The following ANO4 variants were observed in gnomAD, a reference collection of about 807,000 sequenced individuals.
ANO4 encodes anoctamin 4.
In ANO4, 69 loss-of-function variants were observed where a neutral mutation model predicts 141.9. The observed-to-expected ratio is 0.49, with a 90% CI of 0.40 to 0.59. The LOEUF is 0.59. Ranked by LOEUF, ANO4 falls within the 20% of genes least tolerant of loss-of-function variation. The probability of loss-of-function intolerance (pLI) is 0.00; values close to 1 mark genes in which losing one functional copy is unlikely to be tolerated. For missense variants in ANO4, 894 were observed against 1,162.2 expected, an observed-to-expected ratio of 0.77 and a Z score of 3.36; for synonymous variants, 350 against 394.3, an observed-to-expected ratio of 0.89 and a Z score of 1.33.
At chr12:100,745,685 C>T (rs756422860) in intron 3 of ANO4, among the ~76,000 whole-genome samples, 1 of 152,080 alleles carries the variant, frequency 6.6e-6, no homozygotes, top group African/African-American at 2.4e-5. Context: ...AGTTCAACAT[C>T]CATTTAATAG....
intron 3 of ANO4, among the ~76,000 whole-genome samples, chr12:100,759,357 G>A (rs1273780947): frequency 6.6e-6 from 1 of 152,290 alleles, no homozygotes; most frequent in East Asian, 1.9e-4. Flanking sequence ...TGAAAAATTG[G>A]AGCTTTCTTA....
intron 1 of ANO4, among the ~76,000 whole-genome samples, chr12:100,721,162 C>A (rs2030846545): frequency 6.6e-6 from 1 of 151,364 alleles, no homozygotes; most frequent in Non-Finnish European, 1.5e-5. Context: ...ATCACAAACT[C>A]AATGTGTCCA....
chr12:100,943,271 T>G (rs2042588502), intron 5 of ANO4, among the ~76,000 whole-genome samples: 2 of 152,192 alleles, frequency 1.3e-5, no homozygotes, highest in South Asian at 4.1e-4. Flanking sequence ...CCCTAAACAT[T>G]GTGCAAAGCT....
At chr12:101,036,957 T>A in intron 9 of ANO4, 138 bp from the exon 10 acceptor site, 1 of 701,522 alleles carries the variant, frequency 1.4e-6, no homozygotes, top group Non-Finnish European at 2.3e-6. Context: ...GCAGAGCTTT[T>A]TTTCTAACTC....
intron 3 of ANO4, among the ~76,000 whole-genome samples, chr12:100,765,759 A>G (rs1343689868): frequency 6.6e-6 from 1 of 151,330 alleles, no homozygotes; most frequent in Non-Finnish European, 1.5e-5. Flanking sequence ...GATTTTATAA[A>G]TAATAATTAT....
Position 100,925,583 on chromosome 12 carries a change from G to A in ANO4, c.160+3253G>A, listed in dbSNP as rs533793428. Among the ~76,000 whole-genome samples, 276 of 150,942 alleles carry A rather than the reference G, an allele frequency of 1.8e-3. 1 individual carries two copies. The highest frequency in any genetic ancestry group is 6.3e-3 in the African/African-American group (257 of 41,012). Reference sequence around the variant, plus strand: ...TAGGTGCAGCAAACCACCATGGCACGTGTATACCTATGTAACAAACCTGCA... The same window carrying A: ...TAGGTGCAGCAAACCACCATGGCACATGTATACCTATGTAACAAACCTGCA... On this transcript the variant is annotated intron_variant, in intron 3 of 27. Coordinates refer to ENST00000392977, the MANE Select transcript of ANO4 (RefSeq NM_001286615.2).
At chr12:100,891,237 G>T (rs1420580033) in intron 1 of ANO4, among the ~76,000 whole-genome samples, 1 of 152,146 alleles carries the variant, frequency 6.6e-6, no homozygotes, top group African/African-American at 2.4e-5. Context: ...GGACATCTTG[G>T]TTGTTTCCAA....
chr12:100,724,044 C>T (rs1444763136), intron 1 of ANO4, among the ~76,000 whole-genome samples: 5 of 151,942 alleles, frequency 3.3e-5, no homozygotes, highest in African/African-American at 1.2e-4. Flanking sequence ...AACAAAAAAA[C>T]CTTGCCTGTT....
At chr12:100,842,554 C>T (rs2037328432) in intron 1 of ANO4, among the ~76,000 whole-genome samples, 1 of 152,020 alleles carries the variant, frequency 6.6e-6, no homozygotes, top group African/African-American at 2.4e-5. Flanking sequence ...TATTAAGATC[C>T]TGTCTTAGTT....
intron 1 of ANO4, among the ~76,000 whole-genome samples, chr12:100,869,923 A>G (rs2038950189): frequency 6.6e-6 from 1 of 152,160 alleles, no homozygotes; most frequent in Admixed American, 6.5e-5. Context: ...AGACAACTTG[A>G]ATAACTGATG....
At chr12:100,952,401 A>C (rs1179920719) in intron 5 of ANO4, among the ~76,000 whole-genome samples, 1 of 152,226 alleles carries the variant, frequency 6.6e-6, no homozygotes, top group Non-Finnish European at 1.5e-5. Context: ...GTCTGGACAT[A>C]TTGACAGCTT....
intron 3 of ANO4, among the ~76,000 whole-genome samples, chr12:100,937,086 A>T (rs1168636420): frequency 6.6e-6 from 1 of 152,214 alleles, no homozygotes; most frequent in Non-Finnish European, 1.5e-5. Flanking sequence ...TGTGAATAAG[A>T]ATCATGTTAG....
chr12:100,740,181 AATTGC>A, intron 3 of ANO4: 1 of 680,518 alleles, frequency 1.5e-6, no homozygotes, highest in Non-Finnish European at 2.7e-6. Flanking sequence ...CTGCTGAATA[AATTGC>A]ATTTGTATTT....
At chr12:100,762,975 G>C (rs2032939480) in intron 3 of ANO4, among the ~76,000 whole-genome samples, 1 of 152,140 alleles carries the variant, frequency 6.6e-6, no homozygotes, top group Non-Finnish European at 1.5e-5. Flanking sequence ...AGTACTAGAT[G>C]AGATATTGGT....
rs533566229 is a variant in ANO4 at position 100,776,044 on chromosome 12, A to G, written c.358+35939A>G. On this transcript the variant is annotated intron_variant, in intron 3 of 29. Transcript: ENST00000644049. Reference sequence around the variant, plus strand: ...AGTTAATACTTAGTGAGTGCTTACTATATGCCAAGCACTGTTCATTCATGA... The same window carrying G: ...AGTTAATACTTAGTGAGTGCTTACTGTATGCCAAGCACTGTTCATTCATGA... 1.6e-4 allele frequency among the ~76,000 whole-genome samples: 25 copies of G among 152,304 alleles called. 1 individual carries two copies. In the South Asian group the frequency reaches 3.9e-3, roughly 24 times the overall value.
At chr12:100,988,076 C>T (rs1414726809) in intron 8 of ANO4, among the ~76,000 whole-genome samples, 3 of 152,060 alleles carry the variant, frequency 2.0e-5, no homozygotes, top group African/African-American at 7.2e-5. Flanking sequence ...TTTTGTTTTC[C>T]GGTTTTTGTT....
chr12:100,751,083 G>T (rs148889132), intron 3 of ANO4, among the ~76,000 whole-genome samples: 1 of 152,136 alleles, frequency 6.6e-6, no homozygotes, highest in African/African-American at 2.4e-5. Flanking sequence ...CAAAGCTATT[G>T]TAACCTGCCA....
At chr12:100,939,575 C>A in intron 4 of ANO4, 124 bp downstream of exon 4, 1 of 1,085,824 alleles carries the variant, frequency 9.2e-7, no homozygotes, top group South Asian at 2.6e-5. Flanking sequence ...AAACAAGGGA[C>A]AGGTTTTATA....
intron 9 of ANO4, among the ~76,000 whole-genome samples, chr12:101,020,769 A>T (rs1393297009): frequency 2.6e-5 from 4 of 152,196 alleles, no homozygotes; most frequent in Non-Finnish European, 5.9e-5. Context: ...AGGCATTTTT[A>T]TGAGAATGTG....
Sources: allele counts gnomAD v4.1 joint callset (sites outside exome capture counted in the v4.1 genomes callset), GRCh38; gene constraint gnomAD v4.1.1; transcripts MANE v1.5; gene names NCBI Gene and HGNC (gene_info 2026-07-23, HGNC 2026-07-21).